Variants in ARHGEF9 observed in about 807,000 individuals in gnomAD.
The protein encoded by ARHGEF9 is Cdc42 guanine nucleotide exchange factor 9.
In ARHGEF9, 2 loss-of-function variants were observed where a neutral mutation model predicts 41.3. The observed-to-expected ratio is 0.05, with a 90% CI of 0.02 to 0.15. The LOEUF (loss-of-function observed/expected upper bound fraction) is 0.15. Ranked by LOEUF, ARHGEF9 falls within the 10% of genes least tolerant of loss-of-function variation. The pLI, the probability that ARHGEF9 is intolerant of heterozygous loss-of-function variation, is 1.00. For synonymous variants in ARHGEF9, 160 were observed against 154.4 expected (o/e 1.04, Z -0.27); for missense variants, 225 against 424.7 (o/e 0.53, Z 4.13).
chrX:63,764,180 AAAG>A (rs2056079041), intron 1 of ARHGEF9, among the ~76,000 whole-genome samples: 1 of 112,787 alleles, frequency 8.9e-6, no homozygotes, highest in Admixed American at 9.4e-5. Flanking sequence ...ACACTTCTCA[AAAG>A]AAGACATTCA....
At position 63,637,311 on chromosome X, in the gene ARHGEF9, A is replaced by G; in HGVS notation, c.*717T>C. 1 of 296,873 alleles carries G rather than the reference A, an allele frequency of 3.4e-6. No individual in the cohort carries two copies. The highest frequency in any genetic ancestry group is 5.9e-6 in the Non-Finnish European group (1 of 170,226). The allele number at this position is 296,873 out of a possible 1,213,427, so 24.5% of individuals were successfully genotyped here. A position where few individuals can be genotyped will look rare whatever the true frequency, so the allele number is the denominator to read the frequency against. On this transcript the variant is annotated 3_prime_UTR_variant, in exon 10 of 10. Transcript: ENST00000671741. ...GTTTTTTGATCCCTTCACAGTACCT[A>G]AAACACAGTAAAAGCAATAGGAATA...
chrX:63,757,442 T>C (rs2055955200), intron 1 of ARHGEF9, among the ~76,000 whole-genome samples: 1 of 111,317 alleles, frequency 9.0e-6, no homozygotes, highest in African/African-American at 3.3e-5. Context: ...ATTGAAGTCA[T>C]CTCCTCCCAC....
intron 2 of ARHGEF9, among the ~76,000 whole-genome samples, chrX:63,708,887 CTG>C (rs782134132): frequency 3.6e-5 from 4 of 112,276 alleles, no homozygotes; most frequent in Non-Finnish European, 7.5e-5. Context: ...TAAGGCCTAA[CTG>C]TTTTTCTCCT....
intron 1 of ARHGEF9, among the ~76,000 whole-genome samples, chrX:63,728,451 C>T (rs192893597): frequency 3.6e-5 from 4 of 111,719 alleles, no homozygotes; most frequent in Non-Finnish European, 5.6e-5. Context: ...TTTATGGGCA[C>T]GCATACCTAC....
chrX:63,635,218 C>T lies in ARHGEF9; in HGVS notation c.*2810G>A. 5.9e-6 allele frequency: 2 copies of T among 337,776 alleles called. No homozygotes were observed. The highest frequency in any genetic ancestry group is 1.1e-5 in the Non-Finnish European group (2 of 181,743). The allele number at this position is 337,776 out of a possible 1,213,427, so 27.8% of individuals were successfully genotyped here. A position where few individuals can be genotyped will look rare whatever the true frequency, so the allele number is the denominator to read the frequency against. ...ACTAAAAGATCACTATTTGGCTTCA[C>T]ACTAGAATTGTTAGAACTCTCTTGT... On this transcript the variant is annotated 3_prime_UTR_variant, in exon 10 of 10. Transcript: ENST00000671741.
chrX:63,664,350 A>G (rs1556345324), intron 7 of ARHGEF9, among the ~76,000 whole-genome samples: 1 of 112,422 alleles, frequency 8.9e-6, no homozygotes, highest in African/African-American at 3.2e-5. Context: ...GCCTAGTTTC[A>G]CAATTTAGTT....
At chrX:63,700,054 G>C (rs782477385) in intron 3 of ARHGEF9, among the ~76,000 whole-genome samples, 4 of 111,723 alleles carry the variant, frequency 3.6e-5, no homozygotes, top group Non-Finnish European at 7.5e-5. Context: ...AGAGTGTAAA[G>C]AAAAGAAAAT....
chrX:63,776,249 C>T (rs1294182498), intron 1 of ARHGEF9, among the ~76,000 whole-genome samples: 1 of 111,300 alleles, frequency 9.0e-6, no homozygotes, highest in African/African-American at 3.3e-5. Flanking sequence ...CCATGGTAAC[C>T]CTAGGGTTCA....
At chrX:63,662,377 T>C (rs782207693) in intron 7 of ARHGEF9, among the ~76,000 whole-genome samples, 20 of 112,140 alleles carry the variant, frequency 1.8e-4, no homozygotes, top group African/African-American at 6.1e-4. Context: ...CTCTCTGTCC[T>C]GTGCAATCCT....
chrX:63,744,931 T>C (rs782265017), intron 1 of ARHGEF9, among the ~76,000 whole-genome samples: 1 of 111,899 alleles, frequency 8.9e-6, no homozygotes, highest in Non-Finnish European at 1.9e-5. Context: ...GCAGGGCTTA[T>C]CAGAGCCCCT....
At chrX:63,655,808 C>G in intron 7 of ARHGEF9, 71 bp from the exon 8 acceptor site, 1 of 1,150,109 alleles carries the variant, frequency 8.7e-7, no homozygotes, top group South Asian at 1.8e-5. Flanking sequence ...CACAGGGGCA[C>G]AGCAGAATGC....
intron 1 of ARHGEF9, chrX:63,767,101 T>A: frequency 1.0e-6 from 1 of 993,771 alleles, no homozygotes; most frequent in Non-Finnish European, 1.4e-6. Flanking sequence ...TAGGCATCTC[T>A]AGCAGTGAAC....
At chrX:63,692,142 A>T (rs1225174374) in intron 4 of ARHGEF9, among the ~76,000 whole-genome samples, 15 of 112,254 alleles carry the variant, frequency 1.3e-4, no homozygotes, top group African/African-American at 4.8e-4. Flanking sequence ...GGTCATTGAT[A>T]TGCACAAAGA....
At chrX:63,757,038 C>A (rs782602342) in intron 1 of ARHGEF9, among the ~76,000 whole-genome samples, 2 of 112,178 alleles carry the variant, frequency 1.8e-5, no homozygotes, top group Non-Finnish European at 3.8e-5. Flanking sequence ...TCCTGAAATG[C>A]TCCTTTTCCT....
At chrX:63,751,584 G>A (rs2055633897) in intron 1 of ARHGEF9, among the ~76,000 whole-genome samples, 1 of 111,388 alleles carries the variant, frequency 9.0e-6, no homozygotes, top group South Asian at 3.8e-4. Context: ...TTATTTGCCT[G>A]GAGACAATTT....
At chrX:63,675,730 A>G (rs1556361384) in intron 5 of ARHGEF9, among the ~76,000 whole-genome samples, 1 of 111,535 alleles carries the variant, frequency 9.0e-6, no homozygotes, top group Non-Finnish European at 1.9e-5. Flanking sequence ...ACATCCTGGG[A>G]CTCTGGATAG....
intron 1 of ARHGEF9, among the ~76,000 whole-genome samples, chrX:63,772,440 G>T (rs1556455493): frequency 3.6e-5 from 4 of 111,536 alleles, no homozygotes; most frequent in African/African-American, 1.3e-4. Context: ...ACTTCCTATT[G>T]TGTTTAAAAT....
chrX:63,762,249 A>G (rs2056047220), intron 1 of ARHGEF9, among the ~76,000 whole-genome samples: 1 of 112,080 alleles, frequency 8.9e-6, no homozygotes, highest in Admixed American at 9.5e-5. Context: ...CTCATCATCA[A>G]ATTAAGCATG....
chrX:63,706,416 C>G lies in ARHGEF9; in HGVS notation c.244G>C (p.Gly82Arg). The G allele has an allele frequency of 8.3e-7, 1 of 1,207,154 alleles. No homozygotes were observed. ...WVNQEDEVEE[G>R]PSDVQNGHLD... ...TGTCCGTTCTGCACATCGCTGGGCC[C>G]CTCCTCCACCTCATCCTCCTGGTTC... The change falls in exon 3 of 10, where the codon GGG (glycine) becomes CGG (arginine). Residue 82 changes from glycine (G) to arginine (R), a missense_variant. Gly to Arg is a moderately radical substitution (Grantham distance 125). Transcript: ENST00000671741.
Sources: allele counts gnomAD v4.1 joint callset (sites outside exome capture counted in the v4.1 genomes callset), GRCh38; gene constraint gnomAD v4.1.1; transcripts MANE v1.5; gene names NCBI Gene and HGNC (gene_info 2026-07-23, HGNC 2026-07-21).